CRTAC1: variants seen among roughly 807,000 people sequenced by gnomAD.
The protein encoded by CRTAC1 is acidic secreted protein in cartilage.
CRTAC1 carries 37 observed loss-of-function variants against 67.8 expected under a neutral mutation model. The ratio of observed to expected loss-of-function variants is 0.55; its 90% CI spans 0.42 to 0.72. The LOEUF (loss-of-function observed/expected upper bound fraction) is 0.72, where lower values mean the gene tolerates loss of function less well. Among genes scored for constraint, CRTAC1 ranks in the 30% least tolerant of loss-of-function variants. The probability of loss-of-function intolerance (pLI) is 0.00; values close to 1 mark genes in which losing one functional copy is unlikely to be tolerated. For missense variants in CRTAC1, 780 were observed against 931.6 expected (o/e 0.84, Z 2.12); for synonymous variants, 348 against 371.0 (o/e 0.94, Z 0.71).
At chr10:97,874,659 T>C (rs767305731) in intron 14 of CRTAC1, among the ~76,000 whole-genome samples, 6 of 152,172 alleles carry the variant, frequency 3.9e-5, no homozygotes, top group Non-Finnish European at 4.4e-5. Context: ...CTCTAATTTG[T>C]TGGGGGCTTT....
At position 97,998,581 on chromosome 10, in the gene CRTAC1, T is replaced by C. The variant is rs190870969; in HGVS notation, c.224+12557A>G. ...TTCAAGAATGAAGATACAGTAGAGA[T>C]ATTTTTAGATTAAACAAAAACTGAG... On this transcript the variant is annotated intron_variant, in intron 2 of 14. Transcript: ENST00000370597. Among the ~76,000 whole-genome samples, 475 of 152,300 alleles carry C rather than the reference T, an allele frequency of 3.1e-3. 4 individuals are homozygous for C. Among genetic ancestry groups the C allele is most frequent in the Non-Finnish European group, 3.7e-3 (249 of 68,024 alleles).
intron 1 of CRTAC1, among the ~76,000 whole-genome samples, chr10:98,014,165 A>C (rs143432301): frequency 6.6e-6 from 1 of 152,304 alleles, no homozygotes; most frequent in Non-Finnish European, 1.5e-5. Context: ...GAAATCATTT[A>C]AATGCTCTTC....
chr10:97,968,836 C>T (rs2051660583), intron 2 of CRTAC1, among the ~76,000 whole-genome samples: 1 of 152,156 alleles, frequency 6.6e-6, no homozygotes, highest in South Asian at 2.1e-4. Flanking sequence ...GAGAGAATTC[C>T]TACACTAGCG....
rs1053590488 is a variant in CRTAC1, at chr10:98,030,094, C to A, written c.24+355G>T. On this transcript the variant is annotated intron_variant, in intron 1 of 14. Coordinates refer to ENST00000370597, the MANE Select transcript of CRTAC1 (RefSeq NM_018058.7). This position sits in a 1 kb window ranked among gnomAD's most constrained non-coding sequence, Gnocchi z 4.2. ...GATAGCCCGGCACATCCCTCCTCAC[C>A]CGCTCCGCCCCCTCCAGGCCCCAGA... Among the ~76,000 whole-genome samples, 3 of 152,156 alleles carry A rather than the reference C, an allele frequency of 2.0e-5. No homozygotes were observed. The highest frequency in any genetic ancestry group is 2.9e-5 in the Non-Finnish European group (2 of 68,008).
intron 1 of CRTAC1, among the ~76,000 whole-genome samples, chr10:98,023,895 C>G (rs978375556): frequency 1.3e-5 from 2 of 152,210 alleles, no homozygotes; most frequent in African/African-American, 2.4e-5. Context: ...AGACCAGGGT[C>G]AGACCTCATG....
At chr10:97,915,479 C>G (rs1399015351) in intron 5 of CRTAC1, among the ~76,000 whole-genome samples, 1 of 152,224 alleles carries the variant, frequency 6.6e-6, no homozygotes, top group African/African-American at 2.4e-5. Flanking sequence ...CTGGACATGG[C>G]CTGCCCCTTC....
At chr10:97,884,564 C>T (rs34018326) in intron 11 of CRTAC1, 129,546 of 584,186 alleles carry the variant, frequency 0.22, 15,368 homozygotes, top group African/African-American at 0.32. Flanking sequence ...ACAGAAATGT[C>T]CTGCATCTGT....
At chr10:97,993,541 G>A (rs562373769) in intron 2 of CRTAC1, among the ~76,000 whole-genome samples, 1 of 152,280 alleles carries the variant, frequency 6.6e-6, no homozygotes, top group East Asian at 1.9e-4. Context: ...CTTCCAAAGT[G>A]CTGAGCACAC....
chr10:98,030,541 C>G lies in CRTAC1; in HGVS notation c.-69G>C. On this transcript the variant is annotated 5_prime_UTR_variant, in exon 1 of 15. Coordinates refer to ENST00000370597, the MANE Select transcript of CRTAC1 (RefSeq NM_018058.7). This position sits in a 1 kb window ranked among gnomAD's most constrained non-coding sequence, Gnocchi z 4.2. Reference sequence around the variant, plus strand: ...CGCTCGCTGCCGCCTCTGCCGCCGGCGCCGCCGCCTGCTTGCTCCCAGCCC... The same window carrying G: ...CGCTCGCTGCCGCCTCTGCCGCCGGGGCCGCCGCCTGCTTGCTCCCAGCCC... 9.1e-7 allele frequency: 1 copy of G among 1,103,464 alleles called. No individual in the cohort carries two copies. Among genetic ancestry groups the G allele is most frequent in the South Asian group, 4.6e-5 (1 of 21,766 alleles). The allele number at this position is 1,103,464 out of a possible 1,614,324, so 68.4% of individuals were successfully genotyped here.
chr10:97,884,468 A>G (rs1354666447), intron 11 of CRTAC1, 117 bp from the exon 12 acceptor site: 5 of 968,466 alleles, frequency 5.2e-6, no homozygotes, highest in Non-Finnish European at 7.6e-6. Context: ...CACTGTTCTA[A>G]GTGCTAGGGA....
intron 2 of CRTAC1, among the ~76,000 whole-genome samples, chr10:97,945,115 T>C (rs1298410423): frequency 6.6e-6 from 1 of 152,182 alleles, no homozygotes; most frequent in Non-Finnish European, 1.5e-5. Flanking sequence ...GAGGAAAAAT[T>C]TATCTCTGGC....
At chr10:97,916,299 C>T (rs2050758124) in intron 5 of CRTAC1, among the ~76,000 whole-genome samples, 1 of 152,210 alleles carries the variant, frequency 6.6e-6, no homozygotes, top group South Asian at 2.1e-4. Flanking sequence ...CCGGGGGAAA[C>T]ATAGTTTATT....
At chr10:97,991,657 G>A (rs762310278) in intron 2 of CRTAC1, among the ~76,000 whole-genome samples, 7 of 152,090 alleles carry the variant, frequency 4.6e-5, no homozygotes, top group Non-Finnish European at 8.8e-5. Flanking sequence ...TATCTCATTT[G>A]TCTTCACCAC....
chr10:98,027,577 C>A lies in CRTAC1; in HGVS notation c.24+2872G>T, dbSNP rs560673982. On this transcript the variant is annotated intron_variant, in intron 1 of 14. Coordinates refer to ENST00000370597, the MANE Select transcript of CRTAC1 (RefSeq NM_018058.7). ...TGACTCCTAAATGCACAGACTGAAA[C>A]CTGGACTTGCATGGCTTTTGCTTAA... 3.9e-5 allele frequency among the ~76,000 whole-genome samples: 6 copies of A among 152,232 alleles called. No homozygotes were observed. The South Asian group carries it at 1.0e-3, about 26-fold the overall frequency.
At chr10:97,957,096 T>A (rs914344481) in intron 2 of CRTAC1, among the ~76,000 whole-genome samples, 2 of 152,060 alleles carry the variant, frequency 1.3e-5, no homozygotes, top group Non-Finnish European at 2.9e-5. Flanking sequence ...ATTATAGATG[T>A]GAACCACTGT....
chr10:98,023,104 C>T (rs553394749), intron 1 of CRTAC1, among the ~76,000 whole-genome samples: 1 of 152,110 alleles, frequency 6.6e-6, no homozygotes, highest in African/African-American at 2.4e-5. Flanking sequence ...TAAACCTGCA[C>T]TGAGCTTCCC....
At chr10:97,933,860 A>C (rs975143600) in intron 3 of CRTAC1, among the ~76,000 whole-genome samples, 3 of 152,134 alleles carry the variant, frequency 2.0e-5, no homozygotes, top group African/African-American at 7.2e-5. Flanking sequence ...GGAGGTCTTT[A>C]CCATCTGGTG....
At chr10:97,991,664 C>A (rs146678590) in intron 2 of CRTAC1, among the ~76,000 whole-genome samples, 252 of 152,202 alleles carry the variant, frequency 1.7e-3, no homozygotes, top group African/African-American at 5.3e-3. Context: ...TTTGTCTTCA[C>A]CACAATGGTA....
intron 2 of CRTAC1, among the ~76,000 whole-genome samples, chr10:97,947,294 A>G (rs1445273630): frequency 6.6e-6 from 1 of 152,216 alleles, no homozygotes; most frequent in Admixed American, 6.5e-5. Flanking sequence ...CCAGCCTAGT[A>G]TAGCAAATAA....
Sources: gnomAD v4.1 joint callset for allele counts (sites outside exome capture counted in the v4.1 genomes callset) on GRCh38, gnomAD v4.1.1 for gene constraint, Gnocchi (gnomAD v3.1) non-coding constraint, MANE v1.5 for transcripts, NCBI Gene and HGNC (gene_info 2026-07-23, HGNC 2026-07-21) for gene names.